WTAP: variants seen among roughly 807,000 people sequenced by gnomAD.
The protein encoded by WTAP is pre-mRNA-splicing regulator WTAP.
A neutral mutation model predicts 50.0 loss-of-function variants in WTAP; 8 were observed. The observed-to-expected ratio is 0.16, with a 90% confidence interval of 0.09 to 0.29. The LOEUF is 0.29. WTAP is among the 10% of genes least tolerant of loss of function. The pLI is 1.00. For missense variants in WTAP, 295 were observed against 470.7 expected, an observed-to-expected ratio of 0.63 and a Z score of 3.45; for synonymous variants, 194 against 169.0, an observed-to-expected ratio of 1.15 and a Z score of -1.15.
At chr6:159,739,253 G>A (rs1020461011) in intron 3 of WTAP, among the ~76,000 whole-genome samples, 31 of 152,130 alleles carry the variant, frequency 2.0e-4, no homozygotes, top group African/African-American at 7.2e-4. Flanking sequence ...GAAGCTATAA[G>A]TTTAACAAAT....
At chr6:159,730,349 A>G (rs1264137190) in intron 1 of WTAP, among the ~76,000 whole-genome samples, 1 of 152,200 alleles carries the variant, frequency 6.6e-6, no homozygotes. Context: ...TTTTTCTGAT[A>G]CGAGAATAGA....
At chr6:159,736,346 G>T in intron 2 of WTAP, 51 bp downstream of exon 2, 1 of 1,387,892 alleles carries the variant, frequency 7.2e-7, no homozygotes, top group Non-Finnish European at 1.0e-6. Flanking sequence ...TTTTTTGGGG[G>T]CTTTTTTAAG....
chr6:159,736,761 T>G (rs1027344209), intron 2 of WTAP: 1 of 153,914 alleles, frequency 6.5e-6, no homozygotes, highest in Admixed American at 6.5e-5. Flanking sequence ...CTCTGAAGTT[T>G]TGTTGTCTAG....
chr6:159,735,749 A>C (rs538166864), intron 1 of WTAP, among the ~76,000 whole-genome samples: 71 of 139,374 alleles, frequency 5.1e-4, no homozygotes, highest in African/African-American at 1.8e-3. Flanking sequence ...ACTGTGTCTC[A>C]AAAAAAATAA....
chr6:159,727,856 T>A (rs927084361), intron 1 of WTAP, among the ~76,000 whole-genome samples, 153 bp downstream of exon 1: 1 of 152,198 alleles, frequency 6.6e-6, no homozygotes, highest in Admixed American at 6.5e-5. Context: ...CGCTCTACCT[T>A]CCCGCCTGCG....
At chr6:159,732,520 G>A (rs547844554) in intron 1 of WTAP, among the ~76,000 whole-genome samples, 1 of 152,136 alleles carries the variant, frequency 6.6e-6, no homozygotes, top group African/African-American at 2.4e-5. Context: ...AGCTAAAATT[G>A]TCTTTAAGAT....
At chr6:159,740,968 CT>C (rs1454433334) in intron 3 of WTAP, among the ~76,000 whole-genome samples, 1 of 152,110 alleles carries the variant, frequency 6.6e-6, no homozygotes, top group African/African-American at 2.4e-5. Context: ...TCCCAAAGTG[CT>C]GGGATTACAG....
chr6:159,745,316 G>T (rs914867250), intron 5 of WTAP: 2 of 152,138 alleles, frequency 1.3e-5, no homozygotes, highest in Non-Finnish European at 2.9e-5. Flanking sequence ...TGTCCTATAT[G>T]CGCTGGCAGT....
In WTAP at chr6:159,744,185, A is replaced by T. The variant is rs576067251; in HGVS notation, c.273+393A>T. Among the ~76,000 whole-genome samples, 7 of 152,240 alleles carry T rather than the reference A, an allele frequency of 4.6e-5. No homozygotes were observed. The South Asian group carries it at 1.5e-3, about 32-fold the overall frequency. ...TTCTCTTGTCCCCTCTGTGTATAGA[A>T]CTGTTTTTCCTAGTGTCAGCAACCT... is the stretch of plus-strand genomic sequence containing the variant. On this transcript the variant is annotated intron_variant, in intron 5 of 7. Transcript: ENST00000621533.
At chr6:159,745,703 A>G (rs770803075) in intron 5 of WTAP, among the ~76,000 whole-genome samples, 2 of 152,196 alleles carry the variant, frequency 1.3e-5, no homozygotes, top group East Asian at 3.9e-4. Flanking sequence ...GTGATGGATC[A>G]GATTTAGATT....
At position 159,748,515 on chromosome 6, in the gene WTAP, G is replaced by T; in HGVS notation, c.452+146G>T. 3.5e-6 allele frequency: 5 copies of T among 1,435,146 alleles called. No homozygotes were observed. The highest frequency in any genetic ancestry group is 1.6e-5 in the South Asian group (1 of 62,012). The allele number at this position is 1,435,146 out of a possible 1,614,324, so 88.9% of individuals were successfully genotyped here. A position where few individuals can be genotyped will look rare whatever the true frequency, so the allele number is the denominator to read the frequency against. ...GCCACATTCTTACACTGTCCAGCTT[G>T]TAATGGTTAATGTAAAACTTACCAG... On this transcript the variant is annotated intron_variant, in intron 6 of 7. Coordinates refer to ENST00000621533, the MANE Select transcript of WTAP (RefSeq NM_001270531.2). This position sits in a 1 kb window ranked among gnomAD's most constrained non-coding sequence, Gnocchi z 5.6.
At chr6:159,746,918 G>A (rs191459838) in intron 5 of WTAP, among the ~76,000 whole-genome samples, 121 of 152,298 alleles carry the variant, frequency 7.9e-4, no homozygotes, top group Middle Eastern at 3.4e-3. Context: ...GTCTCAGTCA[G>A]TGCTGTAGAC....
At chr6:159,726,908 T>C (rs144507732), upstream of WTAP, 295 of 1,288,996 alleles carry the variant, frequency 2.3e-4, 1 homozygote, top group African/African-American at 3.9e-3. Context: ...GCCTCTCTCT[T>C]GAGGTGGCAC....
At chr6:159,740,194 T>G (rs1279467605) in intron 3 of WTAP, among the ~76,000 whole-genome samples, 1 of 152,124 alleles carries the variant, frequency 6.6e-6, no homozygotes, top group African/African-American at 2.4e-5. Context: ...TTTTAATGCC[T>G]TCTTACATAA....
At chr6:159,728,464 C>G (rs867685517) in intron 1 of WTAP, among the ~76,000 whole-genome samples, 1 of 152,208 alleles carries the variant, frequency 6.6e-6, no homozygotes, top group East Asian at 1.9e-4. Context: ...TAGGGAAATA[C>G]TTCTATGAGT....
intron 2 of WTAP, among the ~76,000 whole-genome samples, chr6:159,738,082 A>AT (rs1217886292): frequency 6.6e-6 from 1 of 152,218 alleles, no homozygotes. Context: ...GCTTATTCAC[A>AT]TTTCACGTTA....
At chr6:159,744,411 A>G (rs1477645856) in intron 5 of WTAP, among the ~76,000 whole-genome samples, 1 of 152,156 alleles carries the variant, frequency 6.6e-6, no homozygotes, top group South Asian at 2.1e-4. Flanking sequence ...TGTTTCTTCA[A>G]TTCTTTGTGT....
chr6:159,727,374 T>TGGCAGGA (rs776889635), upstream of WTAP: 19,815 of 1,032,632 alleles, frequency 0.019, 3,001 homozygotes, highest in Admixed American at 0.046. Context: ...GCGGGGAGGC[T>TGGCAGGA]GGCGGGAGGC....
intron 1 of WTAP, among the ~76,000 whole-genome samples, chr6:159,734,544 C>T (rs559164364): frequency 9.2e-5 from 14 of 152,216 alleles, no homozygotes; most frequent in Admixed American, 9.2e-4. Context: ...GGGCGTGATC[C>T]TTCCACAGGT....
Sources: gnomAD v4.1 joint callset for allele counts (sites outside exome capture counted in the v4.1 genomes callset) on GRCh38, gnomAD v4.1.1 for gene constraint, Gnocchi (gnomAD v3.1) non-coding constraint, MANE v1.5 for transcripts, NCBI Gene and HGNC (gene_info 2026-07-23, HGNC 2026-07-21) for gene names.